Variants in SATB1 observed in about 807,000 individuals in gnomAD.
The protein encoded by SATB1 is SATB homeobox 1.
SATB1 carries 11 observed loss-of-function variants against 86.9 expected under a neutral mutation model. The observed-to-expected ratio is 0.13, with a 90% CI of 0.08 to 0.21. The LOEUF (loss-of-function observed/expected upper bound fraction) is 0.21, where lower values mean the gene tolerates loss of function less well. Among genes scored for constraint, SATB1 ranks in the 10% least tolerant of loss-of-function variants. The pLI is 1.00. For missense variants in SATB1, 551 were observed against 937.6 expected, an observed-to-expected ratio of 0.59 and a Z score of 5.39; for synonymous variants, 357 against 357.2, an observed-to-expected ratio of 1.00 and a Z score of 0.01.
upstream of SATB1, among the ~76,000 whole-genome samples, chr3:18,442,522 G>T (rs555512002): frequency 7.2e-5 from 11 of 152,214 alleles, no homozygotes; most frequent in South Asian, 2.3e-3. Flanking sequence ...CATTTAAAAC[G>T]TGTACAAATA....
chr3:18,370,166 G>C (rs965486558), intron 9 of SATB1, among the ~76,000 whole-genome samples: 1 of 152,144 alleles, frequency 6.6e-6, no homozygotes, highest in Admixed American at 6.5e-5. Context: ...AACAAGCCCT[G>C]TGTGGTCTGC....
At chr3:18,396,761 A>C (rs943313372) in intron 6 of SATB1, among the ~76,000 whole-genome samples, 1 of 152,222 alleles carries the variant, frequency 6.6e-6, no homozygotes, top group African/African-American at 2.4e-5. Flanking sequence ...TAAATAGTTT[A>C]ATTTAAGAAG....
upstream of SATB1, among the ~76,000 whole-genome samples, chr3:18,428,615 A>G (rs946874468): frequency 2.4e-4 from 36 of 152,372 alleles, no homozygotes; most frequent in South Asian, 2.5e-3. Context: ...GTTAAACTTT[A>G]TAAGTCTGGC....
In SATB1 at chr3:18,424,102, T is replaced by C. The variant is rs921695184; in HGVS notation, c.-500A>G. 6.6e-6 allele frequency: 1 copy of C among 151,356 alleles called. No homozygotes were observed. Among genetic ancestry groups the C allele is most frequent in the Non-Finnish European group, 1.5e-5 (1 of 67,938 alleles). 9.4% of individuals were successfully genotyped at this position (151,356 alleles called of 1,614,324 possible). A position where few individuals can be genotyped will look rare whatever the true frequency, so the allele number is the denominator to read the frequency against. ...CTGTGATGGTGCTGGGGAAACGACG[T>C]GGTGACTGAGGATTCTCTTAAAAAA... On this transcript the variant is annotated 5_prime_UTR_variant, in exon 1 of 11. Coordinates refer to ENST00000338745, the MANE Select transcript of SATB1 (RefSeq NM_002971.6).
chr3:18,425,854 G>T (rs1575178698), upstream of SATB1, among the ~76,000 whole-genome samples: 1 of 145,794 alleles, frequency 6.9e-6, no homozygotes, highest in Non-Finnish European at 1.5e-5. Flanking sequence ...GGCACGGGGG[G>T]CGGGGGGAAG....
At chr3:18,358,027 G>A (rs943954795) in intron 9 of SATB1, among the ~76,000 whole-genome samples, 2 of 151,904 alleles carry the variant, frequency 1.3e-5, no homozygotes, top group African/African-American at 4.8e-5. Flanking sequence ...TATTTACTAG[G>A]TTAAAAGGGT....
At chr3:18,409,690 G>A (rs1180082880) in intron 5 of SATB1, 1 of 151,916 alleles carries the variant, frequency 6.6e-6, no homozygotes, top group Non-Finnish European at 1.5e-5. Context: ...TAAAAACTAG[G>A]GAAAGTTTTT....
At chr3:18,427,005 A>G (rs1484939010), upstream of SATB1, among the ~76,000 whole-genome samples, 10 of 152,214 alleles carry the variant, frequency 6.6e-5, no homozygotes, top group Non-Finnish European at 1.5e-4. Flanking sequence ...AAATCTGGGA[A>G]GGCAACCGTG....
At chr3:18,365,737 A>C (rs531246444) in intron 9 of SATB1, among the ~76,000 whole-genome samples, 6 of 152,180 alleles carry the variant, frequency 3.9e-5, no homozygotes, top group Non-Finnish European at 7.3e-5. Flanking sequence ...TACAAGCATA[A>C]ACTTCTGTTT....
chr3:18,352,242 C>G lies in SATB1; in HGVS notation c.1576-47G>C. ...GGTCAGTTTGTGCCTATGAGAGGGG[C>G]TGGCATTTTCCATTAGGAGCTAAAA... On this transcript the variant is annotated intron_variant, in intron 9 of 10. Coordinates refer to ENST00000338745, the MANE Select transcript of SATB1 (RefSeq NM_002971.6). The surrounding 1 kb of genome is among the most constrained non-coding windows in gnomAD (Gnocchi z 4.1). 1 of 1,558,320 alleles carries G rather than the reference C, an allele frequency of 6.4e-7. No homozygotes were observed. The highest frequency in any genetic ancestry group is 8.8e-7 in the Non-Finnish European group (1 of 1,132,008).
rs1209116335 is a variant in SATB1 at position 18,346,969 on chromosome 3, C to T, written c.*2201G>A. On this transcript the variant is annotated 3_prime_UTR_variant, in exon 11 of 11. Coordinates refer to ENST00000338745, the MANE Select transcript of SATB1 (RefSeq NM_002971.6). ...GTGAGCCAGAATGTTTGTTTTCTTACTAAATAAAAAGTGGCAACTTTTCAG... is the reference window on the plus strand; with the variant it reads ...GTGAGCCAGAATGTTTGTTTTCTTATTAAATAAAAAGTGGCAACTTTTCAG... 1.3e-5 allele frequency: 2 copies of T among 152,050 alleles called. No homozygotes were observed. Among genetic ancestry groups the T allele is most frequent in the Admixed American group, 6.6e-5 (1 of 15,258 alleles). The allele number at this position is 152,050 out of a possible 1,614,324, so 9.4% of individuals were successfully genotyped here.
chr3:18,351,312 C>A, intron 10 of SATB1: 2 of 1,542,746 alleles, frequency 1.3e-6, no homozygotes, highest in Non-Finnish European at 1.7e-6. Context: ...TGCCCGCTCA[C>A]CTGAGGAGCA....
chr3:18,445,261 A>T (rs1699361147), intron 1 of SATB1: 1 of 982,480 alleles, frequency 1.0e-6, no homozygotes. Flanking sequence ...CACTAGGCGC[A>T]CTGAAGCCCG....
At chr3:18,400,106 C>T (rs759371606) in intron 5 of SATB1, among the ~76,000 whole-genome samples, 8 of 151,868 alleles carry the variant, frequency 5.3e-5, no homozygotes, top group African/African-American at 1.5e-4. Flanking sequence ...GAAAAAAACA[C>T]GTAATGTTTT....
At position 18,349,044 on chromosome 3, in the gene SATB1, G is replaced by A; in HGVS notation, c.*126C>T. The stretch of plus-strand genomic sequence containing the variant: ...ATCCTTTTCCAACTTTTCTGTTTGT[G>A]CAAGTTTTTGAAGATTCATTGGCCA... On this transcript the variant is annotated 3_prime_UTR_variant, in exon 11 of 11. Transcript: ENST00000338745. This position sits in a 1 kb window ranked among gnomAD's most constrained non-coding sequence, Gnocchi z 5.5. The A allele has an allele frequency of 6.9e-7, 1 of 1,446,448 alleles. No individual in the cohort carries two copies. Among genetic ancestry groups the A allele is most frequent in the South Asian group, 1.5e-5 (1 of 68,258 alleles). The allele number at this position is 1,446,448 out of a possible 1,614,324, so 89.6% of individuals were successfully genotyped here. A position where few individuals can be genotyped will look rare whatever the true frequency, so the allele number is the denominator to read the frequency against.
chr3:18,360,338 C>T (rs1156330618), intron 9 of SATB1, among the ~76,000 whole-genome samples: 2 of 152,102 alleles, frequency 1.3e-5, no homozygotes, highest in African/African-American at 4.8e-5. Context: ...TACTGTGCAC[C>T]ATGACCTTCA....
intron 9 of SATB1, among the ~76,000 whole-genome samples, chr3:18,353,386 C>T (rs891699837): frequency 3.9e-5 from 6 of 152,132 alleles, no homozygotes; most frequent in Non-Finnish European, 7.3e-5. Context: ...ACCTCTTTCG[C>T]TTCCCTATCC....
intron 6 of SATB1, among the ~76,000 whole-genome samples, chr3:18,396,887 A>T (rs1286509091): frequency 6.6e-6 from 1 of 152,238 alleles, no homozygotes; most frequent in African/African-American, 2.4e-5. Context: ...AATATTAGTT[A>T]TTCAAGGCCT....
Position 18,425,220 on chromosome 3 carries a change from C to T in SATB1, c.-1618G>A, listed in dbSNP as rs1001728776. ...TCCTCATTTTAATACAAAATCACCC[C>T]GCTCGCAGCCCCAGCCCCGAGCACG... On this transcript the variant is annotated 5_prime_UTR_variant, in exon 1 of 11. Transcript: ENST00000338745. 4 of 158,302 alleles carry T rather than the reference C, an allele frequency of 2.5e-5. No individual in the cohort carries two copies. Among genetic ancestry groups the T allele is most frequent in the Non-Finnish European group, 5.5e-5 (4 of 72,260 alleles). 9.8% of individuals were successfully genotyped at this position (158,302 alleles called of 1,614,324 possible).
Sources: gnomAD v4.1 joint callset for allele counts (sites outside exome capture counted in the v4.1 genomes callset) on GRCh38, gnomAD v4.1.1 for gene constraint, Gnocchi (gnomAD v3.1) non-coding constraint, MANE v1.5 for transcripts, NCBI Gene and HGNC (gene_info 2026-07-23, HGNC 2026-07-21) for gene names.